Variants in C4BPA observed in about 807,000 individuals in gnomAD.
C4BPA encodes the protein complement component 4 binding protein alpha.
C4BPA carries 31 observed loss-of-function variants against 63.7 expected under a neutral mutation model. That is an observed-to-expected ratio of 0.49 (90% CI 0.37 to 0.66). C4BPA has a LOEUF of 0.66. Ranked by LOEUF, C4BPA falls within the 30% of genes least tolerant of loss-of-function variation. The pLI is 0.00. For synonymous variants in C4BPA, 259 were observed against 254.7 expected, an observed-to-expected ratio of 1.02 and a Z score of -0.16; for missense variants, 572 against 723.3, an observed-to-expected ratio of 0.79 and a Z score of 2.40.
intron 10 of C4BPA, among the ~76,000 whole-genome samples, chr1:207,143,381 T>A (rs535640760): frequency 6.6e-5 from 10 of 152,260 alleles, no homozygotes; most frequent in African/African-American, 2.4e-4. Flanking sequence ...AAATACCTAA[T>A]GTAGATGATG....
chr1:207,143,799 A>G lies in C4BPA; in HGVS notation c.1445-19A>G. 1 of 1,583,652 alleles carries G rather than the reference A, an allele frequency of 6.3e-7. No individual in the cohort carries two copies. Among genetic ancestry groups the G allele is most frequent in the Non-Finnish European group, 8.7e-7 (1 of 1,153,952 alleles). ...CTTCATAGATTTACAGATTTCTTAA[A>G]AATATGTTTCCATTACAGCTCTGTG... On this transcript the variant is annotated intron_variant, in intron 10 of 11. Transcript: ENST00000367070.
chr1:207,144,134 T>C, intron 11 of C4BPA, 141 bp downstream of exon 11: 1 of 634,496 alleles, frequency 1.6e-6, no homozygotes, highest in South Asian at 2.6e-5. Context: ...AAAGAAACTC[T>C]TTTTGTCTTG....
At chr1:207,143,671 A>G (rs1050453276) in intron 10 of C4BPA, 147 bp from the exon 11 acceptor site, 12 of 641,142 alleles carry the variant, frequency 1.9e-5, no homozygotes, top group Admixed American at 6.0e-5. Flanking sequence ...GTCATACTCA[A>G]TAAAATGCTA....
intron 9 of C4BPA, among the ~76,000 whole-genome samples, chr1:207,138,919 T>C (rs1685351549): frequency 6.6e-6 from 1 of 152,218 alleles, no homozygotes; most frequent in South Asian, 2.1e-4. Context: ...TATTTTTTAT[T>C]GTATTTTTTT....
chr1:207,131,524 C>T (rs1248104235), intron 7 of C4BPA, 22 bp from the exon 8 acceptor site: 1 of 1,557,570 alleles, frequency 6.4e-7, no homozygotes, highest in East Asian at 2.3e-5. Flanking sequence ...TTTTGTTCTT[C>T]TTCTTCTTCT....
chr1:207,143,999 T>A lies in C4BPA; in HGVS notation c.1620+6T>A. The A allele has an allele frequency of 6.4e-7, 1 of 1,563,060 alleles. No individual in the cohort carries two copies. The highest frequency in any genetic ancestry group is 8.6e-7 in the Non-Finnish European group (1 of 1,157,878). On this transcript the variant is annotated splice_donor_region_variant and intron_variant, in intron 11 of 11. Coordinates refer to ENST00000367070, the MANE Select transcript of C4BPA (RefSeq NM_000715.4). ...AGGTGCCCAAGTGTGAGTGGGTAAG[T>A]GGCACAATTCAAGGAAGTTCTGTGC...
At chr1:207,142,424 G>A (rs945745703) in intron 10 of C4BPA, among the ~76,000 whole-genome samples, 1 of 151,936 alleles carries the variant, frequency 6.6e-6, no homozygotes, top group Non-Finnish European at 1.5e-5. Flanking sequence ...TAATCCTTTG[G>A]GTATATGCCC....
intron 9 of C4BPA, among the ~76,000 whole-genome samples, chr1:207,139,786 G>T (rs1399230192): frequency 6.6e-6 from 1 of 152,156 alleles, no homozygotes; most frequent in African/African-American, 2.4e-5. Flanking sequence ...TCATTACTGT[G>T]CAAACCTTCC....
At chr1:207,116,508 G>C (rs1458699772) in intron 4 of C4BPA, among the ~76,000 whole-genome samples, 3 of 41,230 alleles carry the variant, frequency 7.3e-5, no homozygotes, top group Non-Finnish European at 1.3e-4. Flanking sequence ...GTGTGTGTGT[G>C]TGTGTATATG....
intron 8 of C4BPA, among the ~76,000 whole-genome samples, chr1:207,134,170 T>C (rs1307778612): frequency 6.6e-6 from 1 of 152,172 alleles, no homozygotes; most frequent in African/African-American, 2.4e-5. Context: ...TTAATCCAAC[T>C]TTTCATTTTG....
chr1:207,138,536 A>G (rs925244273), intron 9 of C4BPA, among the ~76,000 whole-genome samples: 3 of 152,200 alleles, frequency 2.0e-5, no homozygotes, highest in Non-Finnish European at 4.4e-5. Context: ...CTATGGTGTA[A>G]CTGTCCTGTT....
At chr1:207,110,158 G>A (rs1480182501) in intron 1 of C4BPA, among the ~76,000 whole-genome samples, 2 of 152,172 alleles carry the variant, frequency 1.3e-5, no homozygotes, top group Non-Finnish European at 2.9e-5. Flanking sequence ...GACCAAGTCC[G>A]AATCAGAGTT....
intron 10 of C4BPA, 52 bp downstream of exon 10, chr1:207,141,328 A>C: frequency 1.5e-6 from 2 of 1,368,812 alleles, no homozygotes; most frequent in African/African-American, 2.9e-5. Context: ...ACGTGTCCTG[A>C]GAGCACTGAG....
At chr1:207,144,455 A>G (rs769206029) in intron 11 of C4BPA, 89 bp from the exon 12 acceptor site, 2 of 1,246,556 alleles carry the variant, frequency 1.6e-6, no homozygotes, top group East Asian at 4.9e-5. Context: ...TCTTGGTTCA[A>G]TCCTGTAGTC....
In C4BPA at chr1:207,134,384, C is replaced by A. The variant is rs770046360; in HGVS notation, c.1085-20C>A. ...TCATGGTGATTTTACTAACCATGCA[C>A]CTCACATTTTATTTTTCAGCGTTAT... On this transcript the variant is annotated intron_variant, in intron 8 of 11. Transcript: ENST00000367070. The A allele has an allele frequency of 1.3e-6, 2 of 1,591,324 alleles. No individual in the cohort carries two copies. The highest frequency in any genetic ancestry group is 1.7e-6 in the Non-Finnish European group (2 of 1,163,812).
At chr1:207,112,344 C>CTTT (rs1553255615) in intron 1 of C4BPA, among the ~76,000 whole-genome samples, 2 of 141,232 alleles carry the variant, frequency 1.4e-5, no homozygotes, top group African/African-American at 5.6e-5. Context: ...ATTTTCCTGC[C>CTTT]TTTTTGTTTT....
At chr1:207,118,663 G>C (rs969600392) in intron 4 of C4BPA, among the ~76,000 whole-genome samples, 1 of 152,186 alleles carries the variant, frequency 6.6e-6, no homozygotes, top group African/African-American at 2.4e-5. Flanking sequence ...TATGAGTTTT[G>C]GGTGGGGACA....
At chr1:207,140,345 C>T (rs1685386722) in intron 9 of C4BPA, among the ~76,000 whole-genome samples, 2 of 152,132 alleles carry the variant, frequency 1.3e-5, no homozygotes, top group Non-Finnish European at 2.9e-5. Flanking sequence ...TCATTTAATC[C>T]CTTCTTATAC....
chr1:207,121,831 TAC>T (rs1339233512), intron 4 of C4BPA, among the ~76,000 whole-genome samples: 13 of 151,372 alleles, frequency 8.6e-5, no homozygotes, highest in African/African-American at 2.9e-4. Flanking sequence ...CTTGTATTCT[TAC>T]CCCTCCTTCA....
Sources: gnomAD v4.1 joint callset for allele counts (sites outside exome capture counted in the v4.1 genomes callset) on GRCh38, gnomAD v4.1.1 for gene constraint, MANE v1.5 for transcripts, NCBI Gene and HGNC (gene_info 2026-07-23, HGNC 2026-07-21) for gene names.